SLC25A26: variants seen among roughly 807,000 people sequenced by gnomAD.
SLC25A26 encodes the protein mitochondrial S-adenosylmethionine carrier protein.
In SLC25A26, 36 loss-of-function variants were observed where a neutral mutation model predicts 37.8. The observed-to-expected ratio is 0.95, with a 90% CI of 0.73 to 1.26. The LOEUF is 1.26. Ranked by LOEUF, SLC25A26 falls within the 50% of genes most tolerant of loss-of-function variation. The pLI is 0.00. For missense variants in SLC25A26, 390 were observed against 331.1 expected (o/e 1.18, Z -1.38); for synonymous variants, 129 against 122.5 (o/e 1.05, Z -0.35).
chr3:66,141,832 C>T (rs2070040957), intron 1 of SLC25A26, among the ~76,000 whole-genome samples: 1 of 152,208 alleles, frequency 6.6e-6, no homozygotes, highest in Non-Finnish European at 1.5e-5. Flanking sequence ...TTCTTTTCTT[C>T]CTGCAGACTC....
chr3:66,331,797 C>T (rs1320731861), intron 5 of SLC25A26, among the ~76,000 whole-genome samples: 2 of 152,122 alleles, frequency 1.3e-5, no homozygotes, highest in African/African-American at 2.4e-5. Context: ...CTTTCCCCAC[C>T]AACTTGTCTT....
intron 1 of SLC25A26, among the ~76,000 whole-genome samples, chr3:66,196,094 T>A (rs2071040401): frequency 6.6e-6 from 1 of 151,880 alleles, no homozygotes; most frequent in Non-Finnish European, 1.5e-5. Context: ...ATCTTTATAC[T>A]CAGTTTAATC....
chr3:66,306,819 C>T (rs922126697), intron 5 of SLC25A26, among the ~76,000 whole-genome samples: 9 of 152,198 alleles, frequency 5.9e-5, no homozygotes, highest in African/African-American at 2.2e-4. Flanking sequence ...ATCCATGTCC[C>T]TGCAAAGGAC....
At chr3:66,170,604 A>T (rs1227004014) in intron 1 of SLC25A26, among the ~76,000 whole-genome samples, 4 of 152,114 alleles carry the variant, frequency 2.6e-5, no homozygotes, top group African/African-American at 4.8e-5. Flanking sequence ...TTGCCATTTT[A>T]TAAATTGAGA....
At chr3:66,363,216 TA>T (rs1352079801) in intron 7 of SLC25A26, among the ~76,000 whole-genome samples, 3 of 152,230 alleles carry the variant, frequency 2.0e-5, no homozygotes, top group African/African-American at 7.2e-5. Flanking sequence ...AGATGATTTA[TA>T]AAGTCCTCTG....
chr3:66,376,186 C>G (rs1700640127), intron 9 of SLC25A26, among the ~76,000 whole-genome samples: 1 of 151,788 alleles, frequency 6.6e-6, no homozygotes, highest in Non-Finnish European at 1.5e-5. Flanking sequence ...AGAAAGTGAT[C>G]TATTGAGATG....
At chr3:66,227,941 G>T (rs2071833349) in intron 1 of SLC25A26, among the ~76,000 whole-genome samples, 1 of 152,142 alleles carries the variant, frequency 6.6e-6, no homozygotes, top group Non-Finnish European at 1.5e-5. Context: ...ATCTTTTCTG[G>T]ATAGTGACCT....
intron 5 of SLC25A26, among the ~76,000 whole-genome samples, chr3:66,273,489 T>C (rs914644896): frequency 3.9e-5 from 6 of 152,152 alleles, no homozygotes; most frequent in Non-Finnish European, 8.8e-5. Flanking sequence ...GACATGATTG[T>C]ATATCTAGAA....
chr3:66,246,681 T>C (rs1243208736), intron 3 of SLC25A26, among the ~76,000 whole-genome samples: 1 of 152,138 alleles, frequency 6.6e-6, no homozygotes, highest in African/African-American at 2.4e-5. Context: ...ACATTGTGTC[T>C]TTTGGGGGTT....
intron 3 of SLC25A26, among the ~76,000 whole-genome samples, chr3:66,255,257 T>C (rs1056571575): frequency 6.6e-6 from 1 of 152,192 alleles, no homozygotes; most frequent in African/African-American, 2.4e-5. Flanking sequence ...AGGGGCAGCA[T>C]GCATGTGCAC....
At chr3:66,135,400 A>C (rs1259543478) in intron 1 of SLC25A26, among the ~76,000 whole-genome samples, 1 of 152,222 alleles carries the variant, frequency 6.6e-6, no homozygotes, top group African/African-American at 2.4e-5. Context: ...CATGTATTCC[A>C]TCTCTCCAAT....
intron 1 of SLC25A26, among the ~76,000 whole-genome samples, chr3:66,214,758 T>C (rs1167599937): frequency 1.3e-5 from 2 of 152,212 alleles, no homozygotes; most frequent in Non-Finnish European, 2.9e-5. Context: ...TTAATTTTAA[T>C]TTTTAATAAC....
chr3:66,164,131 G>T (rs1044833665), intron 1 of SLC25A26, among the ~76,000 whole-genome samples: 2 of 152,176 alleles, frequency 1.3e-5, no homozygotes, highest in African/African-American at 4.8e-5. Context: ...GTAATCAACA[G>T]GACCTTTGCT....
intron 1 of SLC25A26, among the ~76,000 whole-genome samples, chr3:66,200,451 C>G (rs1245848080): frequency 6.6e-6 from 1 of 152,200 alleles, no homozygotes; most frequent in Non-Finnish European, 1.5e-5. Flanking sequence ...GCTATGGATC[C>G]AAGTGTCATG....
chr3:66,187,861 G>C (rs2070860626), intron 1 of SLC25A26, among the ~76,000 whole-genome samples: 1 of 151,424 alleles, frequency 6.6e-6, no homozygotes, highest in Non-Finnish European at 1.5e-5. Flanking sequence ...CTTATCTTGA[G>C]AATGAAAAGA....
rs1576773750 is a variant in SLC25A26, at chr3:66,276,346, T to C, written c.453+12967T>C. ...CCTGTGATTCTTATTACACTTTGCTTCCTGTTTGTGTCTTGCAGATAAATT... is the reference window on the plus strand; with the variant it reads ...CCTGTGATTCTTATTACACTTTGCTCCCTGTTTGTGTCTTGCAGATAAATT... On this transcript the variant is annotated intron_variant, in intron 5 of 9. Coordinates refer to ENST00000354883, the MANE Select transcript of SLC25A26 (RefSeq NM_001379210.1). Among the ~76,000 whole-genome samples, 3 of 152,070 alleles carry C rather than the reference T, an allele frequency of 2.0e-5. No homozygotes were observed. In the East Asian group the frequency reaches 5.8e-4, roughly 29 times the overall value.
intron 5 of SLC25A26, among the ~76,000 whole-genome samples, chr3:66,332,048 C>G (rs1328325862): frequency 6.6e-6 from 1 of 152,062 alleles, no homozygotes; most frequent in African/African-American, 2.4e-5. Context: ...TCTCCTGCCT[C>G]AGGCTCTTGA....
intron 3 of SLC25A26, among the ~76,000 whole-genome samples, chr3:66,250,980 T>C (rs1467183852): frequency 1.3e-5 from 2 of 152,130 alleles, no homozygotes; most frequent in African/African-American, 2.4e-5. Context: ...GCAGCTAAAA[T>C]CTGATTTAGC....
chr3:66,301,776 C>A (rs2075082640), intron 5 of SLC25A26, among the ~76,000 whole-genome samples: 1 of 152,150 alleles, frequency 6.6e-6, no homozygotes, highest in Admixed American at 6.5e-5. Flanking sequence ...CAGATACAAG[C>A]ATTAGAATTG....
Sources: gnomAD v4.1 joint callset for allele counts (sites outside exome capture counted in the v4.1 genomes callset) on GRCh38, gnomAD v4.1.1 for gene constraint, MANE v1.5 for transcripts, NCBI Gene and HGNC (gene_info 2026-07-23, HGNC 2026-07-21) for gene names.